Variants in COL22A1 observed in about 807,000 individuals in gnomAD.
COL22A1 encodes collagen type XXII alpha 1 chain.
In COL22A1, 221 loss-of-function variants were observed where a neutral mutation model predicts 248.9. The ratio of observed to expected loss-of-function variants is 0.89; its 90% CI spans 0.80 to 0.99. The LOEUF (loss-of-function observed/expected upper bound fraction) is 0.99, where lower values mean the gene tolerates loss of function less well. Among genes scored for constraint, COL22A1 ranks in the 50% least tolerant of loss-of-function variants. The pLI is 0.00. For synonymous variants in COL22A1, 891 were observed against 793.4 expected, an observed-to-expected ratio of 1.12 and a Z score of -2.07; for missense variants, 2,240 against 2,179.0, an observed-to-expected ratio of 1.03 and a Z score of -0.56.
chr8:138,627,327 C>T (rs1820327063), intron 50 of COL22A1, among the ~76,000 whole-genome samples: 1 of 152,140 alleles, frequency 6.6e-6, no homozygotes, highest in African/African-American at 2.4e-5. Flanking sequence ...CAGCCCACTG[C>T]CAGATTTGTT....
At chr8:138,908,851 G>C (rs772168458) in intron 1 of COL22A1, among the ~76,000 whole-genome samples, 3 of 152,210 alleles carry the variant, frequency 2.0e-5, no homozygotes. Context: ...CAGTGGCAGA[G>C]AGAGTGCTTT....
At chr8:138,789,692 C>T (rs1158389688) in intron 12 of COL22A1, among the ~76,000 whole-genome samples, 2 of 152,226 alleles carry the variant, frequency 1.3e-5, no homozygotes, top group African/African-American at 4.8e-5. Flanking sequence ...TGACCAATGC[C>T]GTGGTGAAAA....
At chr8:138,656,085 T>TG in intron 44 of COL22A1, 141 bp from the exon 45 acceptor site, 1 of 685,226 alleles carries the variant, frequency 1.5e-6, no homozygotes, top group Non-Finnish European at 2.5e-6. Flanking sequence ...GACAGCCCAG[T>TG]GGATGTCCCA....
intron 10 of COL22A1, among the ~76,000 whole-genome samples, 182 bp from the exon 11 acceptor site, chr8:138,803,116 C>G (rs1250372193): frequency 6.6e-6 from 1 of 152,180 alleles, no homozygotes; most frequent in Non-Finnish European, 1.5e-5. Flanking sequence ...TAAGTCATCT[C>G]CCAACATCAC....
Position 138,865,181 on chromosome 8 carries a change from GT to G in COL22A1, c.658+12568del, listed in dbSNP as rs369093766. Among the ~76,000 whole-genome samples the G allele has an allele frequency of 4.7e-4, 71 of 150,430 alleles. 1 individual carries two copies. The East Asian group carries it at 0.012, about 26-fold the overall frequency. On this transcript the variant is annotated intron_variant, in intron 3 of 64. Coordinates refer to ENST00000303045, the MANE Select transcript of COL22A1 (RefSeq NM_152888.3). ...AAAATGCAGACAGAGTTTTAACAGA[GT>G]TTTTTTTTTCTGGGCAAGTACACGT... is the stretch of plus-strand genomic sequence containing the variant.
chr8:138,809,512 C>G (rs1316217389), intron 9 of COL22A1, among the ~76,000 whole-genome samples: 2 of 72,766 alleles, frequency 2.7e-5, no homozygotes, highest in Non-Finnish European at 6.4e-5. Flanking sequence ...TTTTCTTCTT[C>G]TCTTTTTTTC....
intron 18 of COL22A1, among the ~76,000 whole-genome samples, chr8:138,756,086 G>A (rs751421002): frequency 6.6e-6 from 1 of 152,086 alleles, no homozygotes; most frequent in African/African-American, 2.4e-5. Flanking sequence ...ATCCAATCTA[G>A]TGCCTAGATT....
chr8:138,631,673 A>T (rs1226901863), intron 49 of COL22A1, among the ~76,000 whole-genome samples: 1 of 122,546 alleles, frequency 8.2e-6, no homozygotes. Context: ...TTCCCCCTAC[A>T]TTCTAGTCCC....
chr8:138,590,590 C>T (rs145462858), intron 64 of COL22A1, among the ~76,000 whole-genome samples: 3 of 151,902 alleles, frequency 2.0e-5, no homozygotes. Flanking sequence ...TAATAAATAT[C>T]CACTTTAGAA....
At position 138,755,180 on chromosome 8, in the gene COL22A1, C is replaced by T. The variant is rs768903455; in HGVS notation, c.2008G>A (p.Ala670Thr). Reference protein sequence around the residue: ...GAPGPRGHQGAPGPPGARGPI... With the variant: ...GAPGPRGHQGTPGPPGARGPI... ...ACCCGAGCTCCTGGAGGACCGGGGG[C>T]GCCTTGGTGACCTCTGGGTCCTGGA... is the stretch of plus-strand genomic sequence containing the variant. The change falls in exon 21 of 65, where the codon GCC becomes ACC. Residue 670 changes from alanine (A) to threonine (T), a missense_variant. Coordinates refer to ENST00000303045, the MANE Select transcript of COL22A1 (RefSeq NM_152888.3). The T allele has an allele frequency of 2.7e-5, 44 of 1,613,956 alleles. 1 individual carries two copies. Among genetic ancestry groups the T allele is most frequent in the South Asian group, 1.8e-4 (16 of 91,078 alleles).
rs73721917 is a variant in COL22A1 at position 138,667,306 on chromosome 8, C to T, written c.3151-3566G>A. ...CTATTATGACTTCTTGAAGAAATGA[C>T]TGATCAGAGACCTGGACAAAAAATG... is the stretch of plus-strand genomic sequence containing the variant. On this transcript the variant is annotated intron_variant, in intron 41 of 64. Transcript: ENST00000303045. Among the ~76,000 whole-genome samples, 1,056 of 152,232 alleles carry T rather than the reference C, an allele frequency of 6.9e-3. 6 individuals carry two copies. The highest frequency in any genetic ancestry group is 0.023 in the African/African-American group (942 of 41,536).
In COL22A1 at chr8:138,771,138, G is replaced by A. The variant is rs117332745; in HGVS notation, c.1803+4828C>T. ...GCAGGGCTGCTCTAGCCACGGCCAC[G>A]TCACCTGGTGCAGGCTGCAGGGACT... is the stretch of plus-strand genomic sequence containing the variant. On this transcript the variant is annotated intron_variant, in intron 16 of 64. Coordinates refer to ENST00000303045, the MANE Select transcript of COL22A1 (RefSeq NM_152888.3). 4.6e-3 allele frequency among the ~76,000 whole-genome samples: 697 copies of A among 152,314 alleles called. 5 individuals are homozygous for A. Among genetic ancestry groups the A allele is most frequent in the East Asian group, 0.031 (161 of 5,164 alleles).
Position 138,778,343 on chromosome 8 carries a change from C to T in COL22A1, c.1758+10G>A, listed in dbSNP as rs750922148. The T allele has an allele frequency of 6.2e-7, 1 of 1,614,074 alleles. No homozygotes were observed. The highest frequency in any genetic ancestry group is 1.7e-5 in the Admixed American group (1 of 60,012). On this transcript the variant is annotated intron_variant, in intron 15 of 64. Transcript: ENST00000303045. ...GTAGAACCCCTGCCCAGACAAGTGC[C>T]TTCACTTACAGGAGCTCCGACACGT...
In COL22A1 at chr8:138,826,772, G is replaced by T. The variant is rs1268514456; in HGVS notation, c.855C>A (p.Phe285Leu). Residue 285 changes from phenylalanine (F) to leucine (L), a missense_variant, in exon 6 of 65, where the codon TTC (phenylalanine) becomes TTA (leucine). Transcript: ENST00000303045. ...FPVVQSTEDV[F>L]PQGLPDEYAF... ...CGTACTCATCAGGTAAACCTTGGGG[G>T]AACACATCCCTGGAGAAAAATGGAG... The T allele has an allele frequency of 5.0e-6, 8 of 1,613,944 alleles. No individual in the cohort carries two copies. The highest frequency in any genetic ancestry group is 5.9e-6 in the Non-Finnish European group (7 of 1,179,968).
At chr8:138,692,954 G>A (rs1827208221) in intron 35 of COL22A1, among the ~76,000 whole-genome samples, 1 of 152,156 alleles carries the variant, frequency 6.6e-6, no homozygotes, top group African/African-American at 2.4e-5. Context: ...GCACCCGGCA[G>A]TGGTGCTAGG....
At chr8:138,841,413 G>T (rs971654128) in intron 4 of COL22A1, among the ~76,000 whole-genome samples, 1 of 152,114 alleles carries the variant, frequency 6.6e-6, no homozygotes, top group African/African-American at 2.4e-5. Flanking sequence ...TGCCCTGTGG[G>T]GCTTCAAGCA....
At chr8:138,714,193 T>G (rs1420487448) in intron 30 of COL22A1, among the ~76,000 whole-genome samples, 1 of 152,204 alleles carries the variant, frequency 6.6e-6, no homozygotes, top group Non-Finnish European at 1.5e-5. Context: ...TGGGCTGGGC[T>G]GGCCATGCAG....
chr8:138,877,202 G>C (rs1044523963), intron 3 of COL22A1, among the ~76,000 whole-genome samples: 1 of 152,126 alleles, frequency 6.6e-6, no homozygotes, highest in African/African-American at 2.4e-5. Context: ...ACAGCACTTG[G>C]CCTCTGGGAT....
chr8:138,913,243 A>G (rs1815583739), intron 1 of COL22A1, among the ~76,000 whole-genome samples: 1 of 151,764 alleles, frequency 6.6e-6, no homozygotes, highest in African/African-American at 2.4e-5. Context: ...TGAAAGTTTA[A>G]AGAGCTGGTA....
Sources: gnomAD v4.1 joint callset for allele counts (sites outside exome capture counted in the v4.1 genomes callset) on GRCh38, gnomAD v4.1.1 for gene constraint, MANE v1.5 for transcripts, NCBI Gene and HGNC (gene_info 2026-07-23, HGNC 2026-07-21) for gene names.